MYO1H: variants seen among roughly 807,000 people sequenced by gnomAD.
The protein encoded by MYO1H is myosin IH, also known as unconventional myosin-Ih.
Under a neutral mutation model 149.3 loss-of-function variants are expected in MYO1H, and 118 were observed. The ratio of observed to expected loss-of-function variants is 0.79; its 90% CI spans 0.68 to 0.92. MYO1H has a LOEUF of 0.92. Ranked by LOEUF, MYO1H falls within the 40% of genes least tolerant of loss-of-function variation. The probability of loss-of-function intolerance (pLI) is 0.00; values close to 1 mark genes in which losing one functional copy is unlikely to be tolerated. For missense variants in MYO1H, 1,212 were observed against 1,280.7 expected (o/e 0.95, Z 0.82); for synonymous variants, 447 against 465.2 (o/e 0.96, Z 0.50).
chr12:109,332,703 GAGTAGCTGAGACT>G, the MYO1H span, among the ~76,000 whole-genome samples: 2 of 152,140 alleles, frequency 1.3e-5, no homozygotes, highest in Non-Finnish European at 2.9e-5. Context: ...TCAGCTTCCT[GAGTAGCTGAGACT>G]ACAGGCACAT....
chr12:109,410,151 TA>T (rs1870603765), intron 12 of MYO1H, 83 bp downstream of exon 12: 2 of 702,762 alleles, frequency 2.8e-6, no homozygotes, highest in Non-Finnish European at 4.2e-6. Context: ...ATTTTTTTTT[TA>T]TTTTTTTGAG....
intron 14 of MYO1H, among the ~76,000 whole-genome samples, chr12:109,413,642 G>A (rs973393734): frequency 1.3e-5 from 2 of 152,194 alleles, no homozygotes; most frequent in Non-Finnish European, 2.9e-5. Context: ...GAGCGTGCTG[G>A]TTCATGCCTA....
intron 1 of MYO1H, among the ~76,000 whole-genome samples, chr12:109,383,885 G>C (rs1295785978): frequency 1.3e-5 from 2 of 152,172 alleles, no homozygotes; most frequent in African/African-American, 2.4e-5. Context: ...AAGATGATCA[G>C]ATCATCACTG....
chr12:109,399,853 T>C (rs1870086957), intron 5 of MYO1H, among the ~76,000 whole-genome samples: 1 of 151,992 alleles, frequency 6.6e-6, no homozygotes, highest in Non-Finnish European at 1.5e-5. Flanking sequence ...CATTTGAGGT[T>C]ATAGTGAGCC....
the MYO1H span, among the ~76,000 whole-genome samples, chr12:109,317,041 A>T: frequency 3.3e-5 from 5 of 152,242 alleles, no homozygotes; most frequent in Non-Finnish European, 1.5e-5. Context: ...TTCACTAATC[A>T]TCAGGAAGGA....
intron 19 of MYO1H, among the ~76,000 whole-genome samples, chr12:109,427,909 A>ATATATATAT (rs1201603491): frequency 6.1e-5 from 1 of 16,422 alleles, no homozygotes; most frequent in Non-Finnish European, 1.0e-4. Context: ...AAAAAAAAAA[A>ATATATATAT]ATATATATAT....
chr12:109,353,393 C>CAAAAAAAAAAAAAAAAAAAA lies in MYO1H; in HGVS notation c.12+5428_12+5447dup. On this transcript the variant is annotated intron_variant, in intron 1 of 31. Transcript: ENST00000310903. Reference sequence around the variant, plus strand: ...TGGGTGACAGAGCGAGACTCCGTCTCAAAAAAAAAAAAAAAAAAAAAAAAA... The same window carrying CAAAAAAAAAAAAAAAAAAAA: ...TGGGTGACAGAGCGAGACTCCGTCTCAAAAAAAAAAAAAAAAAAAAAAAAAAAAAAAAAAAAAAAAAAAAA... Among the ~76,000 whole-genome samples, 35 of 79,288 alleles carry CAAAAAAAAAAAAAAAAAAAA rather than the reference C, an allele frequency of 4.4e-4. 2 individuals are homozygous for CAAAAAAAAAAAAAAAAAAAA. Among genetic ancestry groups the CAAAAAAAAAAAAAAAAAAAA allele is most frequent in the Non-Finnish European group, 7.2e-4 (30 of 41,750 alleles). The allele number at this position is 79,288 out of a possible 152,430, so 52.0% of individuals were successfully genotyped here.
the MYO1H span, among the ~76,000 whole-genome samples, chr12:109,336,619 C>T: frequency 1.3e-5 from 2 of 152,194 alleles, no homozygotes; most frequent in African/African-American, 4.8e-5. Flanking sequence ...AAAATAAGGA[C>T]TTTTCTCTCT....
chr12:109,432,841 G>A, intron 19 of MYO1H, 56 bp from the exon 20 acceptor site: 1 of 1,471,766 alleles, frequency 6.8e-7, no homozygotes, highest in Admixed American at 1.7e-5. Context: ...GGGGATGTGG[G>A]GGAGGGCTAG....
intron 14 of MYO1H, among the ~76,000 whole-genome samples, chr12:109,414,490 A>AG (rs1235683305): frequency 0.023 from 3,529 of 150,526 alleles, 160 homozygotes; most frequent in African/African-American, 0.082. Flanking sequence ...AAAAAAAAAA[A>AG]AAAGAAAGAA....
At chr12:109,326,686 A>G in the MYO1H span, among the ~76,000 whole-genome samples, 1 of 151,464 alleles carries the variant, frequency 6.6e-6, no homozygotes, top group Non-Finnish European at 1.5e-5. Context: ...TCCCCGGCTA[A>G]TTTTTGTATT....
chr12:109,369,575 A>G (rs1388621074), intron 1 of MYO1H, among the ~76,000 whole-genome samples: 1 of 152,212 alleles, frequency 6.6e-6, no homozygotes, highest in Non-Finnish European at 1.5e-5. Flanking sequence ...ACACACCCCC[A>G]TAGACATGCA....
the MYO1H span, among the ~76,000 whole-genome samples, chr12:109,327,753 A>AAAG: frequency 6.6e-6 from 1 of 151,084 alleles, no homozygotes; most frequent in African/African-American, 2.4e-5. Flanking sequence ...AAAAAAAAAA[A>AAAG]AAAAGAAAGA....
intron 1 of MYO1H, among the ~76,000 whole-genome samples, chr12:109,368,640 T>TAA (rs56146617): frequency 0.018 from 2,015 of 113,132 alleles, 65 homozygotes; most frequent in African/African-American, 0.058. Context: ...GACTCCATCT[T>TAA]AAAAAAAAAA....
intron 1 of MYO1H, among the ~76,000 whole-genome samples, chr12:109,369,024 G>T (rs1231736362): frequency 6.6e-6 from 1 of 151,784 alleles, no homozygotes; most frequent in African/African-American, 2.4e-5. Context: ...TTTCACTGTT[G>T]TCACCCAGGC....
chr12:109,434,794 C>T (rs1566041493), intron 20 of MYO1H, among the ~76,000 whole-genome samples: 1 of 152,214 alleles, frequency 6.6e-6, no homozygotes, highest in Non-Finnish European at 1.5e-5. Flanking sequence ...CCTCCGTCCT[C>T]ACGTGGGCTC....
At chr12:109,359,179 CA>C (rs1442034387) in intron 1 of MYO1H, 1 of 152,128 alleles carries the variant, frequency 6.6e-6, no homozygotes, top group Non-Finnish European at 1.5e-5. Context: ...TTGAGCGCCT[CA>C]TAGCTCGTGG....
the MYO1H span, among the ~76,000 whole-genome samples, chr12:109,326,403 A>G: frequency 3.9e-5 from 6 of 152,320 alleles, no homozygotes; most frequent in East Asian, 1.2e-3. Flanking sequence ...CTCTTCATCC[A>G]TGCTACCCCA....
chr12:109,318,969 T>TTG, the MYO1H span, among the ~76,000 whole-genome samples: 1 of 112,748 alleles, frequency 8.9e-6, no homozygotes, highest in African/African-American at 4.5e-5. Flanking sequence ...CGTTTTTGGT[T>TTG]TTGTTTTTTT....
Sources: allele counts gnomAD v4.1 joint callset (sites outside exome capture counted in the v4.1 genomes callset), GRCh38; gene constraint gnomAD v4.1.1; transcripts MANE v1.5; gene names NCBI Gene and HGNC (gene_info 2026-07-23, HGNC 2026-07-21).